The following LYSMD2 variants were observed in gnomAD, a reference collection of about 807,000 sequenced individuals.
LYSMD2 encodes lysM and putative peptidoglycan-binding domain-containing protein 2.
In LYSMD2, 6 loss-of-function variants were observed where a neutral mutation model predicts 17.7. The ratio of observed to expected loss-of-function variants is 0.34; its 90% CI spans 0.19 to 0.67. LYSMD2 has a LOEUF of 0.67. Ranked by LOEUF, LYSMD2 falls within the 30% of genes least tolerant of loss-of-function variation. LYSMD2 has a pLI of 0.69. For missense variants in LYSMD2, 237 were observed against 286.7 expected (o/e 0.83, Z 1.25); for synonymous variants, 102 against 129.8 (o/e 0.79, Z 1.45).
chr15:51,737,328 C>G lies in LYSMD2; in HGVS notation c.273+22G>C, dbSNP rs1393949468. ...CTGCGCGGTAGCTGCCAGCCCGGGC[C>G]GCGGCGGCGCGCCCTGCTCACCGTG... On this transcript the variant is annotated intron_variant, in intron 1 of 2. Coordinates refer to ENST00000267838, the MANE Select transcript of LYSMD2 (RefSeq NM_153374.3). This position sits in a 1 kb window ranked among gnomAD's most constrained non-coding sequence, Gnocchi z 4.2. 24 of 1,326,638 alleles carry G rather than the reference C, an allele frequency of 1.8e-5. No individual in the cohort carries two copies. Among genetic ancestry groups the G allele is most frequent in the Non-Finnish European group, 2.2e-5 (23 of 1,039,698 alleles). The allele number at this position is 1,326,638 out of a possible 1,614,324, so 82.2% of individuals were successfully genotyped here. A position where few individuals can be genotyped will look rare whatever the true frequency, so the allele number is the denominator to read the frequency against.
At chr15:51,729,232 T>G (rs1006199589) in intron 1 of LYSMD2, among the ~76,000 whole-genome samples, 1 of 152,224 alleles carries the variant, frequency 6.6e-6, no homozygotes, top group African/African-American at 2.4e-5. Context: ...GGCAGGGCCT[T>G]GGGTGCCAAG....
intron 1 of LYSMD2, among the ~76,000 whole-genome samples, chr15:51,728,818 C>T (rs572451630): frequency 1.3e-5 from 2 of 151,676 alleles, no homozygotes; most frequent in Non-Finnish European, 2.9e-5. Flanking sequence ...TGCAGTAAGC[C>T]GAGATTGTGC....
upstream of LYSMD2, among the ~76,000 whole-genome samples, chr15:51,740,798 A>T (rs1484644892): frequency 6.6e-6 from 1 of 152,180 alleles, no homozygotes; most frequent in Non-Finnish European, 1.5e-5. Context: ...AGAAAAAAAA[A>T]TTTAAGGTAA....
At chr15:51,747,833 T>TA (rs1282745932) in intron 1 of LYSMD2, among the ~76,000 whole-genome samples, 2 of 152,256 alleles carry the variant, frequency 1.3e-5, no homozygotes, top group East Asian at 3.8e-4. Context: ...ATACTACACA[T>TA]ACGATTTAAT....
intron 1 of LYSMD2, among the ~76,000 whole-genome samples, chr15:51,747,045 C>T (rs1006808855): frequency 1.5e-5 from 2 of 131,284 alleles, no homozygotes; most frequent in Non-Finnish European, 3.2e-5. Context: ...AAAAAAAATA[C>T]GAAAATTAGC....
At chr15:51,736,904 A>G (rs2055612747) in intron 1 of LYSMD2, among the ~76,000 whole-genome samples, 3 of 152,234 alleles carry the variant, frequency 2.0e-5, no homozygotes, top group Admixed American at 2.0e-4. Context: ...TTCCTGACTC[A>G]TCACGGAGCT....
rs988344009 is a variant in LYSMD2 at position 51,737,614 on chromosome 15, A to C, written c.9T>G (p.Asp3Glu). MA[D>E]SSPALSLREG... Reference sequence around the variant, plus strand: ...CCCGCAGGGACAGTGCGGGCGAGGAATCCGCCATGGGTCCTGCCGAGGCCG... The same window carrying C: ...CCCGCAGGGACAGTGCGGGCGAGGACTCCGCCATGGGTCCTGCCGAGGCCG... Residue 3 changes from aspartate to glutamate, a missense_variant, in exon 1 of 3, where the codon GAT (aspartate) becomes GAG (glutamate). Physicochemically the swap from Asp to Glu is conservative, Grantham distance 45. Coordinates refer to ENST00000267838, the MANE Select transcript of LYSMD2 (RefSeq NM_153374.3). The surrounding 1 kb of genome is among the most constrained non-coding windows in gnomAD (Gnocchi z 4.2). 3 of 1,207,908 alleles carry C rather than the reference A, an allele frequency of 2.5e-6. No individual in the cohort carries two copies. Among genetic ancestry groups the C allele is most frequent in the African/African-American group, 1.6e-5 (1 of 63,282 alleles). The allele number at this position is 1,207,908 out of a possible 1,614,324, so 74.8% of individuals were successfully genotyped here. A position where few individuals can be genotyped will look rare whatever the true frequency, so the allele number is the denominator to read the frequency against.
chr15:51,738,954 CAG>C (rs2055629850), upstream of LYSMD2, among the ~76,000 whole-genome samples: 1 of 152,206 alleles, frequency 6.6e-6, no homozygotes, highest in South Asian at 2.1e-4. Flanking sequence ...TCCTGCCAAA[CAG>C]AGCCTCTGAA....
intron 1 of LYSMD2, among the ~76,000 whole-genome samples, chr15:51,743,506 T>C (rs1344759534): frequency 1.3e-5 from 2 of 152,264 alleles, no homozygotes; most frequent in African/African-American, 2.4e-5. Context: ...GTTTCAAGAA[T>C]ACTACAGTGT....
upstream of LYSMD2, among the ~76,000 whole-genome samples, chr15:51,741,658 G>C (rs542917812): frequency 1.3e-5 from 2 of 152,000 alleles, no homozygotes; most frequent in African/African-American, 4.8e-5. Context: ...GGTGGTTCTC[G>C]CCTGTTATTC....
At chr15:51,750,907 G>A (rs2055696110) in intron 1 of LYSMD2, among the ~76,000 whole-genome samples, 1 of 152,170 alleles carries the variant, frequency 6.6e-6, no homozygotes, top group African/African-American at 2.4e-5. Context: ...AGGTTAGCAC[G>A]ACATATAGGA....
intron 1 of LYSMD2, among the ~76,000 whole-genome samples, chr15:51,732,897 T>C (rs1461502289): frequency 2.0e-5 from 3 of 152,264 alleles, no homozygotes; most frequent in Non-Finnish European, 2.9e-5. Context: ...TGCTTGGTAC[T>C]AGCTTCCCTA....
intron 1 of LYSMD2, among the ~76,000 whole-genome samples, chr15:51,731,508 T>C (rs1405172697): frequency 1.3e-5 from 2 of 152,110 alleles, no homozygotes; most frequent in Non-Finnish European, 2.9e-5. Flanking sequence ...TTAGCGGAAA[T>C]GTTAAGCAAC....
chr15:51,730,329 GAA>G (rs1477930936), intron 1 of LYSMD2, among the ~76,000 whole-genome samples: 1 of 152,150 alleles, frequency 6.6e-6, no homozygotes, highest in Non-Finnish European at 1.5e-5. Context: ...GTAACATGAT[GAA>G]ACTCCATCTC....
At chr15:51,737,713 A>T (rs563360803), upstream of LYSMD2, 105 of 955,780 alleles carry the variant, frequency 1.1e-4, no homozygotes, top group African/African-American at 1.5e-3. The surrounding 1 kb of genome is among the most constrained non-coding windows in gnomAD (Gnocchi z 4.2). Flanking sequence ...TCCTCTTCAC[A>T]GGGGCTGCAG....
chr15:51,742,073 C>G (rs1012994759), upstream of LYSMD2, among the ~76,000 whole-genome samples: 1 of 151,310 alleles, frequency 6.6e-6, no homozygotes, highest in African/African-American at 2.4e-5. Context: ...CTCGCTCTGT[C>G]GCCCTGGCTG....
chr15:51,731,027 A>C (rs779401876), intron 1 of LYSMD2, among the ~76,000 whole-genome samples: 5 of 152,242 alleles, frequency 3.3e-5, no homozygotes, highest in Non-Finnish European at 5.9e-5. Flanking sequence ...TGTCCAAAAA[A>C]GGCAAATCTA....
intron 1 of LYSMD2, among the ~76,000 whole-genome samples, chr15:51,729,216 C>A (rs1774423537): frequency 6.6e-6 from 1 of 152,178 alleles, no homozygotes; most frequent in Non-Finnish European, 1.5e-5. Context: ...AGCAAACTTC[C>A]AACCAGGCAG....
intron 1 of LYSMD2, among the ~76,000 whole-genome samples, chr15:51,730,424 G>A (rs541748216): frequency 6.6e-6 from 1 of 152,346 alleles, no homozygotes; most frequent in South Asian, 2.1e-4. Context: ...GATGAGGCAG[G>A]AGAATCGCTT....
Sources: gnomAD v4.1 joint callset for allele counts (sites outside exome capture counted in the v4.1 genomes callset) on GRCh38, gnomAD v4.1.1 for gene constraint, Gnocchi (gnomAD v3.1) non-coding constraint, MANE v1.5 for transcripts, NCBI Gene and HGNC (gene_info 2026-07-23, HGNC 2026-07-21) for gene names.